DHDDS: variants seen among roughly 807,000 people sequenced by gnomAD.
The protein encoded by DHDDS is dehydrodolichyl diphosphate synthase subunit.
In DHDDS, 16 loss-of-function variants were observed where a neutral mutation model predicts 46.2. That is an observed-to-expected ratio of 0.35 (90% CI 0.23 to 0.53). DHDDS has a LOEUF of 0.53. Ranked by LOEUF, DHDDS falls within the 20% of genes least tolerant of loss-of-function variation. DHDDS has a pLI of 0.94. For missense variants in DHDDS, 340 were observed against 423.7 expected, an observed-to-expected ratio of 0.80 and a Z score of 1.73; for synonymous variants, 151 against 163.1, an observed-to-expected ratio of 0.93 and a Z score of 0.56.
rs755149113 is a variant in DHDDS, at chr1:26,446,422, A to C, written c.430A>C (p.Asn144His). 2.5e-6 allele frequency: 4 copies of C among 1,613,748 alleles called. No homozygotes were observed. Among genetic ancestry groups the C allele is most frequent in the Admixed American group, 3.3e-5 (2 of 59,998 alleles). Residue 144 changes from asparagine (N) to histidine (H), a missense_variant, in exon 5 of 9, where the codon AAC becomes CAC. This residue lies in a region of DHDDS where 268 missense variants were observed against 300.3 expected (regional missense o/e 0.89). Transcript: ENST00000236342. ...TGCACAAGCTGTACAGGCCACGAAG[A>C]ACTACAACAAGTAAGTTCTCAGATT... ...LIAQAVQATK[N>H]YNKCFLNVCF... is the part of the protein sequence containing the mutation.
Position 26,469,026 on chromosome 1 carries a change from G to A in DHDDS, c.897G>A (p.Leu299=). 1 of 1,614,124 alleles carries A rather than the reference G, an allele frequency of 6.2e-7. No individual in the cohort carries two copies. Among genetic ancestry groups the A allele is most frequent in the Non-Finnish European group, 8.5e-7 (1 of 1,180,048 alleles). ...ACGCCCAGCTCCGAAGGACACGCTTGCACAAACTCTCGGCCAGACGGGAAG... is the reference window on the plus strand; with the variant it reads ...ACGCCCAGCTCCGAAGGACACGCTTACACAAACTCTCGGCCAGACGGGAAG... ...SGDAQLRRTR[L]HKLSARREER... Residue 299 remains leucine (L), a synonymous_variant, in exon 9 of 9, where the codon TTG becomes TTA. Transcript: ENST00000236342.
chr1:26,447,803 G>C, intron 6 of DHDDS, 143 bp downstream of exon 6: 2 of 726,594 alleles, frequency 2.8e-6, no homozygotes, highest in Middle Eastern at 7.3e-4. Context: ...GACCAGCCTG[G>C]CCAACATGGC....
intron 7 of DHDDS, among the ~76,000 whole-genome samples, chr1:26,458,320 TA>T (rs2075390020): frequency 6.6e-6 from 1 of 152,228 alleles, no homozygotes; most frequent in Admixed American, 6.5e-5. Flanking sequence ...CTCAAGTCTC[TA>T]TCCCCTGTTA....
At chr1:26,436,849 A>G (rs1412838189) in intron 2 of DHDDS, among the ~76,000 whole-genome samples, 5 of 152,102 alleles carry the variant, frequency 3.3e-5, no homozygotes, top group Admixed American at 2.6e-4. Context: ...GATGGACATC[A>G]GTTTGAATCC....
Position 26,470,377 on chromosome 1 carries a change from C to T in DHDDS, c.*1246C>T, listed in dbSNP as rs1262296489. 1 of 148,070 alleles carries T rather than the reference C, an allele frequency of 6.8e-6. No homozygotes were observed. The highest frequency in any genetic ancestry group is 1.5e-5 in the Non-Finnish European group (1 of 67,690). The allele number at this position is 148,070 out of a possible 1,614,324, so 9.2% of individuals were successfully genotyped here. A position where few individuals can be genotyped will look rare whatever the true frequency, so the allele number is the denominator to read the frequency against. Reference sequence around the variant, plus strand: ...GTCCTGGCTGGTCTCGAACTCCTGACCTCAGGTGATCCGCCGGCCTCACCC... The same window carrying T: ...GTCCTGGCTGGTCTCGAACTCCTGATCTCAGGTGATCCGCCGGCCTCACCC... On this transcript the variant is annotated 3_prime_UTR_variant, in exon 9 of 9. Coordinates refer to ENST00000236342, the MANE Select transcript of DHDDS (RefSeq NM_205861.3).
At chr1:26,456,896 G>A (rs1466635274) in intron 6 of DHDDS, among the ~76,000 whole-genome samples, 1 of 152,096 alleles carries the variant, frequency 6.6e-6, no homozygotes, top group African/African-American at 2.4e-5. Flanking sequence ...TCTGAAACTT[G>A]CCTTTTACAT....
At chr1:26,460,335 T>G (rs1479222672) in intron 8 of DHDDS, among the ~76,000 whole-genome samples, 191 bp downstream of exon 8, 1 of 152,232 alleles carries the variant, frequency 6.6e-6, no homozygotes, top group African/African-American at 2.4e-5. Context: ...ACTCATTTAA[T>G]GTTCCCAAGA....
rs983001940 is a variant in DHDDS at position 26,443,337 on chromosome 1, T to C, written c.323+464T>C. 3.3e-5 allele frequency among the ~76,000 whole-genome samples: 5 copies of C among 152,092 alleles called. 1 individual carries two copies. The South Asian group carries it at 6.2e-4, about 19-fold the overall frequency. ...CAAGGAAGTGGAGTTAAAGAAAACA[T>C]TGAGGAAGTCATTTTCTGCTGCACA... On this transcript the variant is annotated intron_variant, in intron 4 of 8. Transcript: ENST00000236342.
At chr1:26,442,632 G>C in intron 3 of DHDDS, 99 bp from the exon 4 acceptor site, 1 of 1,428,780 alleles carries the variant, frequency 7.0e-7, no homozygotes, top group Admixed American at 1.7e-5. Flanking sequence ...AGAAAAGTCT[G>C]TCTCCTATCT....
chr1:26,449,998 C>G (rs990365152), intron 6 of DHDDS, among the ~76,000 whole-genome samples: 2 of 152,144 alleles, frequency 1.3e-5, no homozygotes, highest in Non-Finnish European at 2.9e-5. Flanking sequence ...GTCAACAGTT[C>G]AGCGAGGGAT....
intron 6 of DHDDS, among the ~76,000 whole-genome samples, chr1:26,452,738 G>A (rs945767585): frequency 2.6e-5 from 4 of 152,160 alleles, no homozygotes; most frequent in African/African-American, 9.7e-5. Context: ...CAGAGCCTGT[G>A]TTCTCATTCA....
chr1:26,460,107 C>T lies in DHDDS; in HGVS notation c.728C>T (p.Ala243Val). 6.2e-7 allele frequency: 1 copy of T among 1,614,124 alleles called. No homozygotes were observed. Among genetic ancestry groups the T allele is most frequent in the Non-Finnish European group, 8.5e-7 (1 of 1,180,012 alleles). ...PEYTFWNLFE[A>V]ILQFQMNHSV... is the part of the protein sequence containing the mutation. Reference sequence around the variant, plus strand: ...TATACATTTTGGAACCTCTTCGAGGCCATCCTGCAGTTCCAGATGAACCAT... The same window carrying T: ...TATACATTTTGGAACCTCTTCGAGGTCATCCTGCAGTTCCAGATGAACCAT... Residue 243 changes from alanine to valine, a missense_variant, in exon 8 of 9, where the codon GCC (alanine) becomes GTC (valine). Ala to Val is a moderately conservative substitution (Grantham distance 64, BLOSUM62 0). Coordinates refer to ENST00000236342, the MANE Select transcript of DHDDS (RefSeq NM_205861.3).
intron 7 of DHDDS, among the ~76,000 whole-genome samples, chr1:26,459,665 C>T (rs954360123): frequency 2.0e-5 from 3 of 152,194 alleles, no homozygotes; most frequent in Non-Finnish European, 4.4e-5. Flanking sequence ...ACCATTTGTT[C>T]ATTGGTGACC....
intron 2 of DHDDS, among the ~76,000 whole-genome samples, chr1:26,437,790 A>G (rs1350179583): frequency 1.8e-4 from 28 of 151,430 alleles, no homozygotes; most frequent in African/African-American, 3.1e-4. Context: ...CCATCTCTTA[A>G]AAAAAGAAAA....
chr1:26,444,509 A>C (rs1390255109), intron 4 of DHDDS, among the ~76,000 whole-genome samples: 1 of 152,164 alleles, frequency 6.6e-6, no homozygotes, highest in Non-Finnish European at 1.5e-5. Context: ...GAAGCCAAGG[A>C]GGGTACATTG....
At chr1:26,450,222 C>T (rs116760996) in intron 6 of DHDDS, among the ~76,000 whole-genome samples, 1,600 of 152,314 alleles carry the variant, frequency 0.011, 24 homozygotes, top group African/African-American at 0.036. Context: ...GTGGGGCAAT[C>T]AAAGCTCACT....
chr1:26,467,316 G>A (rs1193841661), intron 8 of DHDDS: 1 of 471,402 alleles, frequency 2.1e-6, no homozygotes, highest in East Asian at 6.9e-5. Context: ...TCCTGACCAA[G>A]GCCTGGAAGA....
chr1:26,441,123 C>T (rs1228104571), intron 3 of DHDDS, among the ~76,000 whole-genome samples: 1 of 151,866 alleles, frequency 6.6e-6, no homozygotes, highest in African/African-American at 2.4e-5. Flanking sequence ...CGGGGTTTCA[C>T]CACGTTGGTC....
At chr1:26,445,194 G>A (rs374307156) in intron 4 of DHDDS, among the ~76,000 whole-genome samples, 1 of 152,214 alleles carries the variant, frequency 6.6e-6, no homozygotes, top group Non-Finnish European at 1.5e-5. Flanking sequence ...GATGGAATGT[G>A]TTGGTACATG....
Sources: gnomAD v4.1 joint callset for allele counts (sites outside exome capture counted in the v4.1 genomes callset) on GRCh38, gnomAD v4.1.1 for gene constraint, gnomAD v4.1.1 regional missense constraint, MANE v1.5 for transcripts, NCBI Gene and HGNC (gene_info 2026-07-23, HGNC 2026-07-21) for gene names.